The following AK5 variants were observed in gnomAD, a reference collection of about 807,000 sequenced individuals.
AK5 encodes the protein adenylate kinase isoenzyme 5.
AK5 carries 27 observed loss-of-function variants against 69.5 expected under a neutral mutation model. The ratio of observed to expected loss-of-function variants is 0.39; its 90% confidence interval spans 0.29 to 0.54. The LOEUF is 0.54. AK5 is among the 20% of genes least tolerant of loss of function. The pLI, the probability that AK5 is intolerant of heterozygous loss-of-function variation, is 0.71. For missense variants in AK5, 531 were observed against 700.4 expected, an observed-to-expected ratio of 0.76 and a Z score of 2.73; for synonymous variants, 260 against 244.4, an observed-to-expected ratio of 1.06 and a Z score of -0.60.
At chr1:77,313,688 C>G (rs1660084552) in intron 5 of AK5, 1 of 434,938 alleles carries the variant, frequency 2.3e-6, no homozygotes. Context: ...TTATGGCCCT[C>G]TGCTGGCAGA....
At position 77,399,178 on chromosome 1, in the gene AK5, G is replaced by A. The variant is rs370294256; in HGVS notation, c.892-11803G>A. Among the ~76,000 whole-genome samples the A allele has an allele frequency of 7.9e-5, 12 of 152,218 alleles. No homozygotes were observed. The East Asian group carries it at 2.3e-3, about 29-fold the overall frequency. On this transcript the variant is annotated intron_variant, in intron 6 of 13. Transcript: ENST00000354567. Reference sequence around the variant, plus strand: ...CCAAAGATTAGCGAGCAGAATATTGGGCACTTGATATCTGCTCATGATCTG... The same window carrying A: ...CCAAAGATTAGCGAGCAGAATATTGAGCACTTGATATCTGCTCATGATCTG...
At chr1:77,377,701 C>T (rs773216219) in intron 6 of AK5, among the ~76,000 whole-genome samples, 7 of 152,180 alleles carry the variant, frequency 4.6e-5, no homozygotes, top group Non-Finnish European at 7.3e-5. Context: ...GCTACTCTAT[C>T]ATGTTATCTT....
chr1:77,438,312 AAAAAAAAAAAAAC>A (rs1202873850), intron 8 of AK5, among the ~76,000 whole-genome samples: 3 of 147,092 alleles, frequency 2.0e-5, no homozygotes, highest in Non-Finnish European at 4.5e-5. Context: ...AAAAAAAAAA[AAAAAAAAAAAAAC>A]AAGCTTGGGG....
chr1:77,430,730 G>A (rs574230359), intron 8 of AK5, among the ~76,000 whole-genome samples: 1 of 152,296 alleles, frequency 6.6e-6, no homozygotes, highest in South Asian at 2.1e-4. Context: ...TCAGTAGAAT[G>A]TGGTGTTCCA....
chr1:77,558,490 G>A, intron 13 of AK5, 112 bp from the exon 14 acceptor site: 2 of 589,168 alleles, frequency 3.4e-6, no homozygotes, highest in Non-Finnish European at 6.0e-6. Context: ...GGGGGGTCTT[G>A]TGTTTTAAAA....
At chr1:77,403,775 T>C (rs999820151) in intron 6 of AK5, among the ~76,000 whole-genome samples, 2 of 152,222 alleles carry the variant, frequency 1.3e-5, no homozygotes, top group African/African-American at 4.8e-5. Context: ...GACTTGGCAA[T>C]GCGGGCTCTT....
intron 5 of AK5, among the ~76,000 whole-genome samples, chr1:77,332,557 A>G (rs926411884): frequency 6.7e-6 from 1 of 150,114 alleles, no homozygotes; most frequent in Non-Finnish European, 1.5e-5. Flanking sequence ...GTGTCATTTA[A>G]TTTCTATACA....
At chr1:77,394,367 T>C (rs1648692793) in intron 6 of AK5, among the ~76,000 whole-genome samples, 1 of 152,140 alleles carries the variant, frequency 6.6e-6, no homozygotes, top group Non-Finnish European at 1.5e-5. Flanking sequence ...TCAAATTCTC[T>C]CTCTCCTATG....
rs58692236 is a variant in AK5, at chr1:77,463,180, T to C, written c.1060-20137T>C. 8.9e-3 allele frequency among the ~76,000 whole-genome samples: 1,352 copies of C among 152,322 alleles called. 23 individuals carry two copies. The highest frequency in any genetic ancestry group is 0.053 in the South Asian group (258 of 4,824). ...GCCCAATAACAAGCACCCCAACTCC[T>C]CCCTGACTGACTTCTGAACAACTGA... On this transcript the variant is annotated intron_variant, in intron 8 of 13. Coordinates refer to ENST00000354567, the MANE Select transcript of AK5 (RefSeq NM_174858.3).
intron 8 of AK5, among the ~76,000 whole-genome samples, chr1:77,482,780 A>G (rs1410628544): frequency 1.3e-5 from 2 of 151,966 alleles, no homozygotes; most frequent in South Asian, 2.1e-4. Context: ...CAAAAAAAAA[A>G]AAAAATGGTA....
rs963363748 is a variant in AK5 at position 77,522,691 on chromosome 1, G to T, written c.1428+748G>T. 2.0e-5 allele frequency among the ~76,000 whole-genome samples: 3 copies of T among 152,206 alleles called. No individual in the cohort carries two copies. In the South Asian group the frequency reaches 6.2e-4, roughly 32 times the overall value. On this transcript the variant is annotated intron_variant, in intron 12 of 13. Coordinates refer to ENST00000354567, the MANE Select transcript of AK5 (RefSeq NM_174858.3). ...AAGTAAAAACCATTGTGGCTGCCAC[G>T]TATTGAACCCACTCTGGGCCAGATC...
chr1:77,459,488 G>A (rs1160751174), intron 8 of AK5, among the ~76,000 whole-genome samples: 3 of 152,122 alleles, frequency 2.0e-5, no homozygotes, highest in Non-Finnish European at 4.4e-5. Context: ...TTAACCCAGT[G>A]GTTCTCAAGC....
chr1:77,343,878 C>T (rs1661783131), intron 6 of AK5, among the ~76,000 whole-genome samples: 1 of 152,312 alleles, frequency 6.6e-6, no homozygotes. Context: ...TGAGGGAACT[C>T]TGTTGCCTTT....
At chr1:77,402,875 T>A (rs962516478) in intron 6 of AK5, among the ~76,000 whole-genome samples, 4 of 152,192 alleles carry the variant, frequency 2.6e-5, no homozygotes, top group African/African-American at 9.7e-5. Context: ...CGCCACACTG[T>A]CTTCCACAAT....
intron 10 of AK5, among the ~76,000 whole-genome samples, chr1:77,517,107 A>C (rs1383962887): frequency 6.6e-6 from 1 of 151,452 alleles, no homozygotes; most frequent in Non-Finnish European, 1.5e-5. Flanking sequence ...TAGCGGGGAA[A>C]GATGCTGGAG....
In AK5 at chr1:77,555,801, C is replaced by T. The variant is rs1474544800; in HGVS notation, c.1621-2801C>T. Among the ~76,000 whole-genome samples, 4 of 152,248 alleles carry T rather than the reference C, an allele frequency of 2.6e-5. No individual in the cohort carries two copies. The East Asian group carries it at 7.7e-4, about 29-fold the overall frequency. On this transcript the variant is annotated intron_variant, in intron 13 of 13. Coordinates refer to ENST00000354567, the MANE Select transcript of AK5 (RefSeq NM_174858.3). ...ATTCCTGTTGAATGTTCATCTCTAC[C>T]ACTGAGCGTGAGCTCTTGGAAAACA...
chr1:77,363,692 G>A (rs1646903577), intron 6 of AK5, among the ~76,000 whole-genome samples: 1 of 151,846 alleles, frequency 6.6e-6, no homozygotes, highest in African/African-American at 2.4e-5. Context: ...TCCACCTCAG[G>A]GCCTTTTGCT....
At chr1:77,398,246 C>T (rs114351121) in intron 6 of AK5, among the ~76,000 whole-genome samples, 207 of 152,070 alleles carry the variant, frequency 1.4e-3, no homozygotes, top group African/African-American at 3.5e-3. Flanking sequence ...TAAATTAGCC[C>T]CTAGTCACAC....
intron 8 of AK5, among the ~76,000 whole-genome samples, chr1:77,455,721 C>A (rs1653441688): frequency 6.6e-6 from 1 of 152,144 alleles, no homozygotes; most frequent in South Asian, 2.1e-4. Flanking sequence ...ATAGTCATTA[C>A]CCTAGCTGCA....
Sources: gnomAD v4.1 joint callset for allele counts (sites outside exome capture counted in the v4.1 genomes callset) on GRCh38, gnomAD v4.1.1 for gene constraint, MANE v1.5 for transcripts, NCBI Gene and HGNC (gene_info 2026-07-23, HGNC 2026-07-21) for gene names.